Variants in PSD2 observed in about 807,000 individuals in gnomAD.
PSD2 encodes the protein pleckstrin and Sec7 domain containing 2.
PSD2 carries 38 observed loss-of-function variants against 69.8 expected under a neutral mutation model. That is an observed-to-expected ratio of 0.54 (90% CI 0.42 to 0.71). The LOEUF (loss-of-function observed/expected upper bound fraction) is 0.71. Among genes scored for constraint, PSD2 ranks in the 30% least tolerant of loss-of-function variants. The pLI is 0.00. For missense variants in PSD2, 943 were observed against 1,014.5 expected, an observed-to-expected ratio of 0.93 and a Z score of 0.96; for synonymous variants, 412 against 423.0, an observed-to-expected ratio of 0.97 and a Z score of 0.32.
chr5:139,813,974 CAGG>C (rs1760048541), intron 3 of PSD2, among the ~76,000 whole-genome samples, 193 bp from the exon 4 acceptor site: 1 of 152,216 alleles, frequency 6.6e-6, no homozygotes, highest in Non-Finnish European at 1.5e-5. Context: ...TCGGGGGAGT[CAGG>C]GAACTATGCT....
upstream of PSD2, among the ~76,000 whole-genome samples, chr5:139,792,405 C>T (rs1400976358): frequency 1.3e-5 from 2 of 152,140 alleles, no homozygotes; most frequent in African/African-American, 4.8e-5. Flanking sequence ...AAGGTGCTGA[C>T]CATGCCCAAT....
the PSD2 span, among the ~76,000 whole-genome samples, chr5:139,766,938 T>C: frequency 3.1e-5 from 3 of 98,274 alleles, no homozygotes; most frequent in African/African-American, 4.4e-5. Flanking sequence ...CCCTTCTTTC[T>C]TTCTTTCTTT....
intron 5 of PSD2, among the ~76,000 whole-genome samples, chr5:139,820,786 G>A (rs974369049): frequency 5.3e-5 from 8 of 152,168 alleles, no homozygotes; most frequent in Non-Finnish European, 1.2e-4. Context: ...GGCCTGCTCT[G>A]AGGCACTGAA....
At chr5:139,812,325 G>A (rs917780094) in intron 2 of PSD2, among the ~76,000 whole-genome samples, 1 of 152,152 alleles carries the variant, frequency 6.6e-6, no homozygotes, top group African/African-American at 2.4e-5. Flanking sequence ...GATGTGGAAG[G>A]AGGGCTTTAG....
At chr5:139,757,230 G>T in the PSD2 span, among the ~76,000 whole-genome samples, 2 of 152,190 alleles carry the variant, frequency 1.3e-5, no homozygotes, top group Non-Finnish European at 2.9e-5. Context: ...GTCACAGAGT[G>T]GGCTGGGTGG....
At chr5:139,785,089 T>G in the PSD2 span, among the ~76,000 whole-genome samples, 1 of 152,088 alleles carries the variant, frequency 6.6e-6, no homozygotes. Context: ...TTCAACTTCA[T>G]CCTTTCAAAG....
intron 1 of PSD2, among the ~76,000 whole-genome samples, chr5:139,799,837 T>G (rs1759624472): frequency 6.6e-6 from 1 of 152,002 alleles, no homozygotes; most frequent in African/African-American, 2.4e-5. Flanking sequence ...CAGGCCCTTG[T>G]GTCTGACTAG....
intron 1 of PSD2, among the ~76,000 whole-genome samples, chr5:139,800,088 C>T (rs1279496634): frequency 6.6e-6 from 1 of 152,194 alleles, no homozygotes; most frequent in South Asian, 2.1e-4. Context: ...CAGGGGAGGG[C>T]CCTGAGCAGG....
At chr5:139,755,756 G>T in the PSD2 span, among the ~76,000 whole-genome samples, 2 of 151,936 alleles carry the variant, frequency 1.3e-5, no homozygotes, top group African/African-American at 4.8e-5. Flanking sequence ...GTGTGACTGT[G>T]TGTGAGACTG....
chr5:139,789,879 A>C, the PSD2 span, among the ~76,000 whole-genome samples: 4 of 151,722 alleles, frequency 2.6e-5, no homozygotes, highest in African/African-American at 9.7e-5. Flanking sequence ...AGGGGGTAGA[A>C]TTTTAGTAGA....
At chr5:139,805,627 G>T (rs1759784872) in intron 1 of PSD2, among the ~76,000 whole-genome samples, 1 of 152,166 alleles carries the variant, frequency 6.6e-6, no homozygotes, top group South Asian at 2.1e-4. Context: ...GGTCAGAGAG[G>T]GCCTTTCTCA....
At chr5:139,820,935 GT>G (rs11394658) in intron 5 of PSD2, among the ~76,000 whole-genome samples, 129 of 146,760 alleles carry the variant, frequency 8.8e-4, no homozygotes, top group Non-Finnish European at 1.1e-3. Context: ...GCCAGAGGTT[GT>G]TTTTTTTTTT....
At chr5:139,748,774 C>T in the PSD2 span, among the ~76,000 whole-genome samples, 1 of 152,242 alleles carries the variant, frequency 6.6e-6, no homozygotes, top group Admixed American at 6.5e-5. Flanking sequence ...GCCACCGCAT[C>T]GAGCGGCTCT....
chr5:139,809,854 T>G (rs200353388), intron 2 of PSD2, 43 bp downstream of exon 2: 5 of 1,604,088 alleles, frequency 3.1e-6, no homozygotes, highest in Non-Finnish European at 4.2e-6. Flanking sequence ...CATTTGGCTG[T>G]TCTGTTGTTG....
intron 7 of PSD2, among the ~76,000 whole-genome samples, chr5:139,828,971 A>T (rs1760501365): frequency 7.5e-6 from 1 of 133,776 alleles, no homozygotes; most frequent in Non-Finnish European, 1.6e-5. Context: ...TGTGGGAAGA[A>T]GTCCAAGGGC....
the PSD2 span, among the ~76,000 whole-genome samples, chr5:139,748,929 G>T: frequency 6.6e-6 from 1 of 152,122 alleles, no homozygotes; most frequent in Non-Finnish European, 1.5e-5. Context: ...ATACATAGGG[G>T]TGGGTGTCAG....
the PSD2 span, among the ~76,000 whole-genome samples, chr5:139,756,606 G>T: frequency 6.6e-6 from 1 of 152,180 alleles, no homozygotes; most frequent in South Asian, 2.1e-4. Flanking sequence ...TTGGGCACAG[G>T]CGAGGAGGCA....
chr5:139,750,311 CAAG>C, the PSD2 span, among the ~76,000 whole-genome samples: 1 of 151,946 alleles, frequency 6.6e-6, no homozygotes. Flanking sequence ...GGCGACAGAG[CAAG>C]ACTCCATCTC....
intron 6 of PSD2, 111 bp downstream of exon 6, chr5:139,822,116 G>A (rs1237674026): frequency 3.2e-6 from 2 of 629,522 alleles, no homozygotes; most frequent in South Asian, 2.1e-5. Flanking sequence ...GGCCCAGATG[G>A]TTTGTCCTCT....
Sources: gnomAD v4.1 joint callset for allele counts (sites outside exome capture counted in the v4.1 genomes callset) on GRCh38, gnomAD v4.1.1 for gene constraint, MANE v1.5 for transcripts, NCBI Gene and HGNC (gene_info 2026-07-23, HGNC 2026-07-21) for gene names.